The following COL9A3 variants were observed in gnomAD, a reference collection of about 807,000 sequenced individuals.
COL9A3 encodes the protein collagen alpha-3(IX) chain.
In COL9A3, 82 loss-of-function variants were observed where a neutral mutation model predicts 110.2. The ratio of observed to expected loss-of-function variants is 0.74; its 90% confidence interval spans 0.62 to 0.89. The LOEUF (loss-of-function observed/expected upper bound fraction) is 0.89. COL9A3 is among the 40% of genes least tolerant of loss of function. COL9A3 has a pLI of 0.00. For missense variants in COL9A3, 1,066 were observed against 981.3 expected, an observed-to-expected ratio of 1.09 and a Z score of -1.15; for synonymous variants, 494 against 403.8, an observed-to-expected ratio of 1.22 and a Z score of -2.68.
chr20:62,820,586 G>A (rs3818000), intron 5 of COL9A3, among the ~76,000 whole-genome samples: 8 of 152,144 alleles, frequency 5.3e-5, no homozygotes, highest in South Asian at 4.1e-4. Context: ...TTGGGAGCTC[G>A]TCAGGCATGA....
chr20:62,824,542 T>C (rs1181358789), intron 11 of COL9A3, 41 bp downstream of exon 11: 2 of 1,555,232 alleles, frequency 1.3e-6, no homozygotes, highest in East Asian at 2.4e-5. Flanking sequence ...CACCCTGTGC[T>C]GGGCAGGAGG....
chr20:62,833,216 G>A, intron 26 of COL9A3, 152 bp downstream of exon 26: 3 of 721,264 alleles, frequency 4.2e-6, no homozygotes, highest in East Asian at 2.7e-5. Context: ...AGCAGGGTCG[G>A]GCAGAGGCCT....
chr20:62,824,298 C>A, intron 10 of COL9A3, 147 bp from the exon 11 acceptor site: 1 of 800,258 alleles, frequency 1.2e-6, no homozygotes, highest in Non-Finnish European at 2.1e-6. Flanking sequence ...GAGTGGCCTC[C>A]TGGGGTCCTG....
chr20:62,840,999 A>G lies in COL9A3; in HGVS notation c.*267A>G. 1 of 458,824 alleles carries G rather than the reference A, an allele frequency of 2.2e-6. No homozygotes were observed. Among genetic ancestry groups the G allele is most frequent in the Non-Finnish European group, 4.0e-6 (1 of 251,966 alleles). The allele number at this position is 458,824 out of a possible 1,614,324, so 28.4% of individuals were successfully genotyped here. On this transcript the variant is annotated 3_prime_UTR_variant, in exon 32 of 32. Transcript: ENST00000649368. ...GTGTATATATAAAAGGTTGTGTACA[A>G]CTCCACGAGGTGAAAAATATTCAGT...
chr20:62,826,012 C>T (rs2063549390), intron 13 of COL9A3, 142 bp downstream of exon 13: 1 of 1,127,892 alleles, frequency 8.9e-7, no homozygotes, highest in South Asian at 1.4e-5. Flanking sequence ...CGCGACCTGG[C>T]TGGGGGTCCC....
rs1253503418 is a variant in COL9A3, at chr20:62,822,574, G to A, written c.478-17G>A. 2 of 1,612,114 alleles carry A rather than the reference G, an allele frequency of 1.2e-6. No homozygotes were observed. The highest frequency in any genetic ancestry group is 1.1e-5 in the South Asian group (1 of 91,024). ...TGGGGAGGGCGGGAGAATGTCAGCT[G>A]TCTCTTTTTGTCTTAGGGACACCCA... On this transcript the variant is annotated splice_polypyrimidine_tract_variant and intron_variant, in intron 9 of 31. Transcript: ENST00000649368.
chr20:62,829,483 G>C lies in COL9A3; in HGVS notation c.1037G>C (p.Gly346Ala), dbSNP rs1157507559. 6.2e-7 allele frequency: 1 copy of C among 1,612,774 alleles called. No individual in the cohort carries two copies. Among genetic ancestry groups the C allele is most frequent in the Non-Finnish European group, 8.5e-7 (1 of 1,179,924 alleles). Reference sequence around the variant, plus strand: ...CTCCCTGGACGAGCGGGGTCCAAAGGCGAGAAGGGAGAACGGGTATGTGGC... The same window carrying C: ...CTCCCTGGACGAGCGGGGTCCAAAGCCGAGAAGGGAGAACGGGTATGTGGC... ...PGLPGRAGSKGEKGERGRAGE... is the reference protein window; with the variant it reads ...PGLPGRAGSKAEKGERGRAGE... Residue 346 changes from glycine to alanine, a missense_variant, in exon 20 of 32, where the codon GGC becomes GCC. Physicochemically the swap from Gly to Ala is moderately conservative, Grantham distance 60. Transcript: ENST00000649368.
intron 31 of COL9A3, 37 bp from the exon 32 acceptor site, chr20:62,840,505 G>A (rs1307449915): frequency 8.2e-6 from 13 of 1,591,050 alleles, no homozygotes; most frequent in Non-Finnish European, 1.1e-5. Flanking sequence ...TTTCAGTCCG[G>A]GCTGCAGCTG....
chr20:62,830,017 G>A (rs2063583263), intron 22 of COL9A3, among the ~76,000 whole-genome samples, 198 bp downstream of exon 22: 1 of 152,160 alleles, frequency 6.6e-6, no homozygotes, highest in Admixed American at 6.5e-5. Context: ...GGCCGGAGCT[G>A]CCCTGTTTTC....
Position 62,840,737 on chromosome 20 carries a change from C to A in COL9A3, c.*5C>A. 1 of 1,560,856 alleles carries A rather than the reference C, an allele frequency of 6.4e-7. No individual in the cohort carries two copies. The highest frequency in any genetic ancestry group is 8.7e-7 in the Non-Finnish European group (1 of 1,151,714). Reference sequence around the variant, plus strand: ...TCAGGCTCTCGAAGCTCATAAAATTCAACGTGAGGAAGCAAGTGACAAGGA... The same window carrying A: ...TCAGGCTCTCGAAGCTCATAAAATTAAACGTGAGGAAGCAAGTGACAAGGA... On this transcript the variant is annotated 3_prime_UTR_variant, in exon 32 of 32. Transcript: ENST00000649368.
In COL9A3 at chr20:62,835,919, A is replaced by T. The variant is rs1213806404; in HGVS notation, c.1369-2A>T. ...TCAAACACACAACTTTTCTCTTCAC[A>T]GGGTCCCAGCGGCCTGGTCGGACCC... On this transcript the variant is annotated splice_acceptor_variant, in intron 26 of 31. Coordinates refer to ENST00000649368, the MANE Select transcript of COL9A3 (RefSeq NM_001853.4). LOFTEE classifies it high-confidence loss of function. 6.2e-7 allele frequency: 1 copy of T among 1,614,206 alleles called. No individual in the cohort carries two copies. The highest frequency in any genetic ancestry group is 2.2e-5 in the East Asian group (1 of 44,892).
intron 20 of COL9A3, 51 bp downstream of exon 20, chr20:62,829,550 AGGCAAG>A: frequency 1.3e-6 from 2 of 1,499,212 alleles, no homozygotes; most frequent in Middle Eastern, 3.5e-4. Context: ...AGGGGCCGGG[AGGCAAG>A]GGGCTGGGGG....
Position 62,821,749 on chromosome 20 carries a change from C to A in COL9A3, c.370-8C>A, listed in dbSNP as rs1379068933. 2 of 1,609,726 alleles carry A rather than the reference C, an allele frequency of 1.2e-6. No individual in the cohort carries two copies. The highest frequency in any genetic ancestry group is 2.2e-5 in the South Asian group (2 of 90,564). ...CAGACCTCCCCACCTCTCTTTACTT[C>A]CCTCCAGGGAGAGGCAGGAGTGAGC... On this transcript the variant is annotated splice_polypyrimidine_tract_variant and splice_region_variant and intron_variant, in intron 7 of 31. Coordinates refer to ENST00000649368, the MANE Select transcript of COL9A3 (RefSeq NM_001853.4).
At chr20:62,820,681 T>C (rs1395653257) in intron 5 of COL9A3, among the ~76,000 whole-genome samples, 1 of 152,030 alleles carries the variant, frequency 6.6e-6, no homozygotes, top group Non-Finnish European at 1.5e-5. Context: ...GGTGGGCTGG[T>C]CCCCAGGCTT....
At chr20:62,825,795 C>T (rs1171103483) in intron 12 of COL9A3, 22 bp from the exon 13 acceptor site, 1 of 1,551,434 alleles carries the variant, frequency 6.4e-7, no homozygotes, top group Non-Finnish European at 8.7e-7. Flanking sequence ...GGCCGCTGAC[C>T]ACCCTATCCC....
At chr20:62,835,845 A>AT in intron 26 of COL9A3, 76 bp from the exon 27 acceptor site, 1 of 1,491,330 alleles carries the variant, frequency 6.7e-7, no homozygotes, top group Non-Finnish European at 9.3e-7. Flanking sequence ...GATTTGATTT[A>AT]TTTTATCCTC....
chr20:62,835,993 G>A, intron 27 of COL9A3, 40 bp downstream of exon 27: 1 of 1,614,060 alleles, frequency 6.2e-7, no homozygotes, highest in South Asian at 1.1e-5. Context: ...CCATCCATGG[G>A]CGCCTGCTGG....
intron 17 of COL9A3, 151 bp downstream of exon 17, chr20:62,828,127 C>T (rs2063569305): frequency 2.5e-6 from 2 of 811,194 alleles, no homozygotes; most frequent in Admixed American, 2.0e-5. Flanking sequence ...CGCAGCCCCA[C>T]ACATTTCTCT....
rs1203608879 is a variant in COL9A3 at position 62,825,873 on chromosome 20, G to A, written c.684+3G>A. On this transcript the variant is annotated splice_donor_region_variant and intron_variant, in intron 13 of 31. Coordinates refer to ENST00000649368, the MANE Select transcript of COL9A3 (RefSeq NM_001853.4). Reference sequence around the variant, plus strand: ...TCCCGGGCAGCGTGGGGCTGCAGGTGAGGCTAGGAAGGGGTAAGGATGGTG... The same window carrying A: ...TCCCGGGCAGCGTGGGGCTGCAGGTAAGGCTAGGAAGGGGTAAGGATGGTG... 1.9e-6 allele frequency: 3 copies of A among 1,559,032 alleles called. No homozygotes were observed. Among genetic ancestry groups the A allele is most frequent in the Admixed American group, 1.9e-5 (1 of 52,048 alleles).
Sources: gnomAD v4.1 joint callset for allele counts (sites outside exome capture counted in the v4.1 genomes callset) on GRCh38, gnomAD v4.1.1 for gene constraint, MANE v1.5 for transcripts, NCBI Gene and HGNC (gene_info 2026-07-23, HGNC 2026-07-21) for gene names.